The following SNX25 variants were observed in gnomAD, a reference collection of about 807,000 sequenced individuals.
The protein encoded by SNX25 is sorting nexin 25.
In SNX25, 62 loss-of-function variants were observed where a neutral mutation model predicts 113.7. That is an observed-to-expected ratio of 0.55 (90% CI 0.44 to 0.67). The LOEUF (loss-of-function observed/expected upper bound fraction) is 0.67. Among genes scored for constraint, SNX25 ranks in the 30% least tolerant of loss-of-function variants. The pLI is 0.00. For synonymous variants in SNX25, 421 were observed against 436.2 expected (o/e 0.97, Z 0.43); for missense variants, 1,014 against 1,161.0 (o/e 0.87, Z 1.84).
chr4:185,216,215 AAC>A (rs1738783255), intron 1 of SNX25, among the ~76,000 whole-genome samples: 1 of 152,154 alleles, frequency 6.6e-6, no homozygotes, highest in African/African-American at 2.4e-5. Flanking sequence ...AGCCACTATT[AAC>A]AGTTTCTGTT....
chr4:185,229,059 C>CCCT (rs1197873725), intron 1 of SNX25, among the ~76,000 whole-genome samples: 1 of 152,106 alleles, frequency 6.6e-6, no homozygotes, highest in Non-Finnish European at 1.5e-5. Flanking sequence ...GAGTTAAGGG[C>CCCT]CAAGATGTGA....
At chr4:185,308,871 C>G (rs1754857946) in intron 6 of SNX25, among the ~76,000 whole-genome samples, 1 of 152,284 alleles carries the variant, frequency 6.6e-6, no homozygotes, top group South Asian at 2.1e-4. Flanking sequence ...GAACTCTAGA[C>G]CTTCTCTCTC....
intron 9 of SNX25, among the ~76,000 whole-genome samples, chr4:185,326,864 G>A (rs915834266): frequency 6.6e-6 from 1 of 152,110 alleles, no homozygotes; most frequent in African/African-American, 2.4e-5. Flanking sequence ...TTGTTAAAGA[G>A]CAGGTTAGTG....
chr4:185,297,661 C>G (rs1283490317), intron 6 of SNX25, among the ~76,000 whole-genome samples: 1 of 152,152 alleles, frequency 6.6e-6, no homozygotes, highest in African/African-American at 2.4e-5. Flanking sequence ...AAGGTACTGG[C>G]AGATTTGGTG....
Position 185,251,959 on chromosome 4 carries a change from CT to C in SNX25, c.514+4591del, listed in dbSNP as rs781039754. 4.8e-3 allele frequency among the ~76,000 whole-genome samples: 709 copies of C among 147,384 alleles called. 10 individuals are homozygous for C. The highest frequency in any genetic ancestry group is 0.016 in the African/African-American group (632 of 40,118). On this transcript the variant is annotated intron_variant, in intron 2 of 18. Transcript: ENST00000652585. Reference sequence around the variant, plus strand: ...AAGCGTTTCAGTTTATTATACTTTGCTTTTTTTTTTCTTTTTTTTTAACCAC... The same window carrying C: ...AAGCGTTTCAGTTTATTATACTTTGCTTTTTTTTTCTTTTTTTTTAACCAC...
chr4:185,244,923 G>C (rs1173766121), intron 1 of SNX25, among the ~76,000 whole-genome samples: 1 of 152,006 alleles, frequency 6.6e-6, no homozygotes, highest in Admixed American at 6.6e-5. Context: ...CTTGATCATA[G>C]ATACCATGAG....
upstream of SNX25, among the ~76,000 whole-genome samples, chr4:185,205,235 C>T (rs973975544): frequency 2.0e-5 from 3 of 152,282 alleles, no homozygotes; most frequent in South Asian, 2.1e-4. Context: ...GCGGGTGGGG[C>T]CCCCTGAGAG....
intron 5 of SNX25, among the ~76,000 whole-genome samples, chr4:185,271,646 C>T (rs981683422): frequency 6.6e-6 from 1 of 152,252 alleles, no homozygotes; most frequent in East Asian, 1.9e-4. Flanking sequence ...TTTTACATTA[C>T]TATCTTCAAA....
chr4:185,277,093 C>G lies in SNX25; in HGVS notation c.1091+9938C>G, dbSNP rs567825439. On this transcript the variant is annotated intron_variant, in intron 5 of 18. Transcript: ENST00000652585. ...AGGCTGGAGTGCAGTGGCACAATCT[C>G]AGCTCAGTGCAACCTCTGCCTCTCG... is the stretch of plus-strand genomic sequence containing the variant. Among the ~76,000 whole-genome samples the G allele has an allele frequency of 3.9e-5, 6 of 152,282 alleles. No individual in the cohort carries two copies. In the East Asian group the frequency reaches 1.2e-3, roughly 29 times the overall value.
intron 16 of SNX25, among the ~76,000 whole-genome samples, chr4:185,358,329 A>G (rs553805259): frequency 6.6e-6 from 1 of 152,306 alleles, no homozygotes; most frequent in East Asian, 1.9e-4. Context: ...GGCATTATAT[A>G]TGTATCCCAG....
intron 6 of SNX25, among the ~76,000 whole-genome samples, chr4:185,300,649 A>G (rs1330069428): frequency 6.6e-6 from 1 of 152,024 alleles, no homozygotes; most frequent in African/African-American, 2.4e-5. Context: ...AAACAATTCC[A>G]CATTTATGAA....
chr4:185,378,173 C>G, the SNX25 span: 1 of 1,613,996 alleles, frequency 6.2e-7, no homozygotes, highest in Non-Finnish European at 8.5e-7. Context: ...CAACTTTTCA[C>G]TGGTCAACTT....
At chr4:185,233,271 T>TGA (rs963928591) in intron 1 of SNX25, among the ~76,000 whole-genome samples, 5 of 140,788 alleles carry the variant, frequency 3.6e-5, no homozygotes, top group Non-Finnish European at 7.9e-5. Flanking sequence ...GGTGACAGAG[T>TGA]GAGACTTAGT....
At chr4:185,316,577 G>A (rs932110310) in intron 7 of SNX25, among the ~76,000 whole-genome samples, 1 of 152,172 alleles carries the variant, frequency 6.6e-6, no homozygotes, top group African/African-American at 2.4e-5. Context: ...TTAAAATAAG[G>A]GTTGAAGAGG....
intron 7 of SNX25, among the ~76,000 whole-genome samples, chr4:185,311,559 C>T (rs961757660): frequency 5.3e-5 from 8 of 152,140 alleles, no homozygotes; most frequent in South Asian, 2.1e-4. Context: ...TTAGCTGTGC[C>T]GTGGAAGGAA....
chr4:185,281,752 A>G (rs1350181255), intron 5 of SNX25, among the ~76,000 whole-genome samples: 1 of 152,218 alleles, frequency 6.6e-6, no homozygotes, highest in Non-Finnish European at 1.5e-5. Flanking sequence ...GCGGTGGTTC[A>G]TGCCTGAAAT....
intron 2 of SNX25, among the ~76,000 whole-genome samples, chr4:185,253,098 C>G (rs780319724): frequency 6.6e-6 from 1 of 152,140 alleles, no homozygotes; most frequent in Non-Finnish European, 1.5e-5. Flanking sequence ...ATCTTTTTGA[C>G]TTACTATTAA....
At chr4:185,208,108 T>C (rs1248884076), upstream of SNX25, among the ~76,000 whole-genome samples, 2 of 152,032 alleles carry the variant, frequency 1.3e-5, no homozygotes, top group African/African-American at 4.8e-5. Context: ...TACTGCTTTA[T>C]TTATTTTATT....
chr4:185,235,870 A>G (rs1051766480), intron 1 of SNX25, among the ~76,000 whole-genome samples: 1 of 152,240 alleles, frequency 6.6e-6, no homozygotes, highest in Non-Finnish European at 1.5e-5. Context: ...GATGAAAGGA[A>G]TATGCAGATG....
Sources: gnomAD v4.1 joint callset for allele counts (sites outside exome capture counted in the v4.1 genomes callset) on GRCh38, gnomAD v4.1.1 for gene constraint, MANE v1.5 for transcripts, NCBI Gene and HGNC (gene_info 2026-07-23, HGNC 2026-07-21) for gene names.